The following CDK12 variants were observed in gnomAD, a reference collection of about 807,000 sequenced individuals.
The protein encoded by CDK12 is cyclin dependent kinase 12, also known as cyclin-dependent kinase 12.
Under a neutral mutation model 133.8 loss-of-function variants are expected in CDK12, and 17 were observed. The ratio of observed to expected loss-of-function variants is 0.13; its 90% CI spans 0.09 to 0.19. CDK12 has a LOEUF of 0.19. CDK12 is among the 10% of genes least tolerant of loss of function. The probability of loss-of-function intolerance (pLI) is 1.00; values close to 1 mark genes in which losing one functional copy is unlikely to be tolerated. For missense variants in CDK12, 1,508 were observed against 1,818.7 expected, an observed-to-expected ratio of 0.83 and a Z score of 3.11; for synonymous variants, 694 against 683.6, an observed-to-expected ratio of 1.02 and a Z score of -0.24.
rs1013113571 is a variant in CDK12 at position 39,494,681 on chromosome 17, C to T, written c.2406C>T (p.Phe802=). 27 of 1,567,838 alleles carry T rather than the reference C, an allele frequency of 1.7e-5. No homozygotes were observed. The highest frequency in any genetic ancestry group is 2.3e-5 in the Non-Finnish European group (27 of 1,156,174). ...IVTDKQDALD[F]KKDKGAFYLV... Reference sequence around the variant, plus strand: ...CAGATAAACAAGATGCACTGGATTTCAAGAAGGACAAAGGTACTAGCAAAG... The same window carrying T: ...CAGATAAACAAGATGCACTGGATTTTAAGAAGGACAAAGGTACTAGCAAAG... The change falls in exon 5 of 14, where the codon TTC becomes TTT. Residue 802 remains phenylalanine, a synonymous_variant. Coordinates refer to ENST00000447079, the MANE Select transcript of CDK12 (RefSeq NM_016507.4).
intron 5 of CDK12, among the ~76,000 whole-genome samples, chr17:39,495,888 G>A (rs1282330226): frequency 2.0e-5 from 3 of 151,490 alleles, no homozygotes; most frequent in African/African-American, 4.9e-5. Flanking sequence ...AATACATTTC[G>A]GTATATTTGC....
upstream of CDK12, among the ~76,000 whole-genome samples, chr17:39,543,337 G>T (rs1193752205): frequency 6.6e-6 from 1 of 152,220 alleles, no homozygotes; most frequent in Non-Finnish European, 1.5e-5. Flanking sequence ...CGCATTGCTG[G>T]TTCTGTAAGT....
chr17:39,562,814 C>T (rs1447964345), intron 3 of CDK12, among the ~76,000 whole-genome samples: 1 of 151,630 alleles, frequency 6.6e-6, no homozygotes, highest in Admixed American at 6.6e-5. Context: ...TGCTTTTCCA[C>T]TCTCAACTTC....
intron 7 of CDK12, 40 bp downstream of exon 7, chr17:39,509,801 T>C: frequency 6.8e-7 from 1 of 1,471,380 alleles, no homozygotes; most frequent in Non-Finnish European, 9.5e-7. Flanking sequence ...AAATAAGGTT[T>C]GTTTTGTTTT....
At chr17:39,473,008 G>A (rs933946354) in intron 2 of CDK12, among the ~76,000 whole-genome samples, 2 of 151,936 alleles carry the variant, frequency 1.3e-5, no homozygotes, top group African/African-American at 2.4e-5. Flanking sequence ...CCTGGGAGGC[G>A]GAGGTTGCAG....
In CDK12 at chr17:39,498,868, A is replaced by C. The variant is rs2052350638; in HGVS notation, c.2420-2382A>C. 2.1e-4 allele frequency among the ~76,000 whole-genome samples: 6 copies of C among 28,168 alleles called. 3 individuals carry two copies. Among genetic ancestry groups the C allele is most frequent in the Non-Finnish European group, 5.8e-4 (6 of 10,332 alleles). 18.5% of individuals were successfully genotyped at this position (28,168 alleles called of 152,430 possible). ...TTTTCTCTCAATTTTTAATACTATG[A>C]TTTTCTCTTTCTTTCTTTCTTTCTT... On this transcript the variant is annotated intron_variant, in intron 5 of 13. Transcript: ENST00000447079.
chr17:39,544,422 C>CT, upstream of CDK12: 3 of 379,600 alleles, frequency 7.9e-6, no homozygotes, highest in South Asian at 2.0e-5. Context: ...ACCCTACTCC[C>CT]ATCCCACCCC....
At chr17:39,492,679 G>A (rs944466094) in intron 3 of CDK12, 72 bp from the exon 4 acceptor site, 8 of 1,189,884 alleles carry the variant, frequency 6.7e-6, no homozygotes, top group Admixed American at 4.5e-5. Context: ...AAAGTGCTGG[G>A]ATTACAGGCA....
At chr17:39,504,663 G>T (rs1598091940) in intron 6 of CDK12, among the ~76,000 whole-genome samples, 4 of 152,052 alleles carry the variant, frequency 2.6e-5, no homozygotes, top group South Asian at 2.1e-4. Flanking sequence ...CAGGTCACTT[G>T]ATGCTAGGAG....
At chr17:39,479,380 C>A (rs1017845053) in intron 2 of CDK12, among the ~76,000 whole-genome samples, 1 of 150,926 alleles carries the variant, frequency 6.6e-6, no homozygotes, top group Non-Finnish European at 1.5e-5. Flanking sequence ...TATCTTCTCA[C>A]TCGAGACTGC....
intron 5 of CDK12, among the ~76,000 whole-genome samples, chr17:39,499,461 G>T (rs150859352): frequency 0.011 from 1,586 of 149,886 alleles, 26 homozygotes; most frequent in African/African-American, 0.037. Context: ...TGCCCGCCTT[G>T]GCCTCCCAAA....
intron 2 of CDK12, among the ~76,000 whole-genome samples, chr17:39,553,316 A>G (rs753244744): frequency 6.6e-6 from 1 of 152,054 alleles, no homozygotes; most frequent in Non-Finnish European, 1.5e-5. Context: ...TTCCAAAGCC[A>G]TGAAGAAGGG....
At chr17:39,516,531 T>A (rs2053816871) in intron 9 of CDK12, among the ~76,000 whole-genome samples, 1 of 151,890 alleles carries the variant, frequency 6.6e-6, no homozygotes, top group Non-Finnish European at 1.5e-5. Flanking sequence ...GTTCATTTGT[T>A]TTGTAGAGAT....
chr17:39,538,135 G>A (rs2055227022), downstream of CDK12, among the ~76,000 whole-genome samples: 1 of 152,124 alleles, frequency 6.6e-6, no homozygotes, highest in Non-Finnish European at 1.5e-5. Context: ...CAATATGTAA[G>A]GACATTTACT....
At chr17:39,471,904 T>G (rs1236536166) in intron 2 of CDK12, 141 bp downstream of exon 2, 1 of 757,216 alleles carries the variant, frequency 1.3e-6, no homozygotes, top group African/African-American at 1.7e-5. Context: ...TCTGTAATTA[T>G]GACATTATTA....
downstream of CDK12, among the ~76,000 whole-genome samples, chr17:39,535,781 C>A (rs936348575): frequency 6.6e-6 from 1 of 152,150 alleles, no homozygotes; most frequent in Non-Finnish European, 1.5e-5. Context: ...TGGTGCTGAT[C>A]TTGGGATTTC....
At chr17:39,472,439 T>A (rs1192690365) in intron 2 of CDK12, among the ~76,000 whole-genome samples, 2 of 150,200 alleles carry the variant, frequency 1.3e-5, no homozygotes, top group African/African-American at 4.9e-5. Flanking sequence ...TTTGGGAGGC[T>A]AGGGCAGGCA....
Position 39,473,245 on chromosome 17 carries a change from G to A in CDK12, c.1931+1482G>A, listed in dbSNP as rs370643636. On this transcript the variant is annotated intron_variant, in intron 2 of 13. Transcript: ENST00000447079. ...TCTCCTGATCCCAGGGTCCAAACTA[G>A]GATTATTTTGAAAAGGGCTGCTTTA... Among the ~76,000 whole-genome samples the A allele has an allele frequency of 1.6e-3, 239 of 151,774 alleles. 6 individuals carry two copies. In the South Asian group the frequency reaches 0.048, roughly 31 times the overall value.
intron 2 of CDK12, among the ~76,000 whole-genome samples, chr17:39,481,631 GCGCTCTCTCTCTCTCTCTCTCTCTCT>G (rs2050669931): frequency 2.9e-5 from 1 of 34,272 alleles, no homozygotes; most frequent in Admixed American, 3.3e-4. Flanking sequence ...GCTCGCTCGC[GCGCTCTCTCTCTCTCTCTCTCTCTCT>G]CTCTCTCTCT....
Sources: gnomAD v4.1 joint callset for allele counts (sites outside exome capture counted in the v4.1 genomes callset) on GRCh38, gnomAD v4.1.1 for gene constraint, MANE v1.5 for transcripts, NCBI Gene and HGNC (gene_info 2026-07-23, HGNC 2026-07-21) for gene names.